Variants in DGKB observed in about 807,000 individuals in gnomAD.
DGKB encodes the protein 90 kDa diacylglycerol kinase.
DGKB carries 67 observed loss-of-function variants against 114.3 expected under a neutral mutation model. The ratio of observed to expected loss-of-function variants is 0.59; its 90% confidence interval spans 0.48 to 0.72. DGKB has a LOEUF of 0.72. DGKB is among the 30% of genes least tolerant of loss of function. The probability of loss-of-function intolerance (pLI) is 0.00; values close to 1 mark genes in which losing one functional copy is unlikely to be tolerated. For missense variants in DGKB, 907 were observed against 975.2 expected (o/e 0.93, Z 0.93); for synonymous variants, 398 against 323.1 (o/e 1.23, Z -2.49).
intron 20 of DGKB, among the ~76,000 whole-genome samples, chr7:14,481,589 T>C (rs2128912795): frequency 6.6e-6 from 1 of 152,112 alleles, no homozygotes; most frequent in African/African-American, 2.4e-5. Flanking sequence ...TCAATTTTTT[T>C]CCATTTTAGA....
chr7:14,786,618 C>T (rs531103831), intron 2 of DGKB, among the ~76,000 whole-genome samples: 2 of 152,226 alleles, frequency 1.3e-5, no homozygotes, highest in Admixed American at 1.3e-4. Flanking sequence ...CTCAGAAGTA[C>T]CTGCTCTCAC....
intron 2 of DGKB, among the ~76,000 whole-genome samples, chr7:14,775,992 A>G (rs540076902): frequency 7.9e-5 from 12 of 152,194 alleles, no homozygotes; most frequent in Admixed American, 5.9e-4. Context: ...GACTTGTGGA[A>G]TGGCTTTGAC....
chr7:14,181,881 G>T (rs374971756), intron 23 of DGKB, among the ~76,000 whole-genome samples: 1 of 152,106 alleles, frequency 6.6e-6, no homozygotes. Flanking sequence ...TTCATATTAG[G>T]TATTTTCACA....
At chr7:14,741,785 CT>C (rs1368730204) in intron 4 of DGKB, among the ~76,000 whole-genome samples, 5 of 152,102 alleles carry the variant, frequency 3.3e-5, no homozygotes, top group African/African-American at 1.2e-4. Flanking sequence ...TGTAAGGTTA[CT>C]GTTGGTAAAG....
intron 21 of DGKB, among the ~76,000 whole-genome samples, chr7:14,422,980 C>T (rs527428272): frequency 5.9e-5 from 9 of 151,966 alleles, no homozygotes; most frequent in Non-Finnish European, 1.3e-4. Flanking sequence ...AATGAAATCA[C>T]TAACGCAATA....
At chr7:14,636,766 C>T (rs900008563) in intron 13 of DGKB, among the ~76,000 whole-genome samples, 1 of 151,874 alleles carries the variant, frequency 6.6e-6, no homozygotes, top group Non-Finnish European at 1.5e-5. Context: ...TATTACAAAT[C>T]TGAAAATATT....
chr7:14,606,582 A>G lies in DGKB; in HGVS notation c.1433+852T>C, dbSNP rs560080403. On this transcript the variant is annotated intron_variant, in intron 17 of 25. Coordinates refer to ENST00000402815, the MANE Select transcript of DGKB (RefSeq NM_001350709.2). The stretch of plus-strand genomic sequence containing the variant: ...GAATGAGAAGTAAGACTAATTTTAA[A>G]TCAACTGCCTTTTTTTTAAAAAAAA... Among the ~76,000 whole-genome samples, 199 of 150,746 alleles carry G rather than the reference A, an allele frequency of 1.3e-3. 1 individual carries two copies. The South Asian group carries it at 0.014, about 11-fold the overall frequency.
chr7:14,764,965 A>G (rs1836246189), intron 2 of DGKB, among the ~76,000 whole-genome samples: 1 of 152,086 alleles, frequency 6.6e-6, no homozygotes, highest in East Asian at 1.9e-4. Context: ...ATAGAATAAG[A>G]GATTTAGAGA....
chr7:14,706,489 C>G (rs1477938466), intron 6 of DGKB, among the ~76,000 whole-genome samples: 7 of 150,188 alleles, frequency 4.7e-5, no homozygotes, highest in African/African-American at 1.7e-4. Flanking sequence ...ACAGAACTCT[C>G]CACCCCAAAT....
rs150506865 is a variant in DGKB, at chr7:14,680,631, G to C, written c.1035+1922C>G. Among the ~76,000 whole-genome samples the C allele has an allele frequency of 3.8e-3, 579 of 152,064 alleles. 5 individuals carry two copies. The highest frequency in any genetic ancestry group is 0.013 in the African/African-American group (559 of 41,530). ...AAAACAAAATGGAATATAATACAAGGAAAGGAAGAATTTTAAGATGCTTTG... is the reference window on the plus strand; with the variant it reads ...AAAACAAAATGGAATATAATACAAGCAAAGGAAGAATTTTAAGATGCTTTG... On this transcript the variant is annotated intron_variant, in intron 12 of 25. Transcript: ENST00000402815.
intron 5 of DGKB, among the ~76,000 whole-genome samples, chr7:14,726,672 C>T (rs1419284463): frequency 6.6e-6 from 1 of 152,216 alleles, no homozygotes; most frequent in Non-Finnish European, 1.5e-5. Flanking sequence ...TTGGGCCATC[C>T]ATCATAATAT....
chr7:14,632,930 C>T (rs751956321), intron 13 of DGKB, among the ~76,000 whole-genome samples: 11 of 151,760 alleles, frequency 7.2e-5, no homozygotes, highest in Non-Finnish European at 1.3e-4. Flanking sequence ...AAACCCACAG[C>T]GGCCAAAAGA....
At chr7:14,630,350 A>C in intron 13 of DGKB, 82 bp from the exon 14 acceptor site, 4 of 946,212 alleles carry the variant, frequency 4.2e-6, no homozygotes, top group Non-Finnish European at 6.2e-6. Context: ...ATATCATTAC[A>C]TGCCTGTGAA....
intron 23 of DGKB, among the ~76,000 whole-genome samples, chr7:14,262,561 C>G (rs952209060): frequency 6.6e-6 from 1 of 152,086 alleles, no homozygotes; most frequent in Admixed American, 6.6e-5. Flanking sequence ...AAAAGCCACC[C>G]AGTATGTGAT....
intron 21 of DGKB, 76 bp downstream of exon 21, chr7:14,478,085 T>C (rs1554461195): frequency 1.1e-6 from 1 of 950,848 alleles, no homozygotes; most frequent in Non-Finnish European, 1.6e-6. Context: ...TATAAAATAT[T>C]CTGTACCATC....
At chr7:14,232,093 C>T (rs191839769) in intron 23 of DGKB, among the ~76,000 whole-genome samples, 5 of 151,980 alleles carry the variant, frequency 3.3e-5, no homozygotes, top group African/African-American at 1.2e-4. Flanking sequence ...CCTCTCATAT[C>T]CTTTTGCCTC....
At chr7:14,191,945 T>C in intron 23 of DGKB, 1 of 669,516 alleles carries the variant, frequency 1.5e-6, no homozygotes. Context: ...CCCTAAATAC[T>C]TGAAGTCTGG....
chr7:14,162,368 A>G (rs1019010679), intron 25 of DGKB, among the ~76,000 whole-genome samples: 1 of 152,230 alleles, frequency 6.6e-6, no homozygotes, highest in Non-Finnish European at 1.5e-5. Flanking sequence ...GGATGTGAAT[A>G]TTGGTCCTCT....
At chr7:14,479,203 A>C (rs550564889) in intron 20 of DGKB, among the ~76,000 whole-genome samples, 2 of 152,264 alleles carry the variant, frequency 1.3e-5, no homozygotes, top group East Asian at 1.9e-4. Flanking sequence ...AAAGAAAACC[A>C]AACTCAAGGA....
Sources: allele counts gnomAD v4.1 joint callset (sites outside exome capture counted in the v4.1 genomes callset), GRCh38; gene constraint gnomAD v4.1.1; transcripts MANE v1.5; gene names NCBI Gene and HGNC (gene_info 2026-07-23, HGNC 2026-07-21).